The following ZNF267 variants were observed in gnomAD, a reference collection of about 807,000 sequenced individuals.
ZNF267 encodes zinc finger protein 267, also known as zinc finger (C2H2).
A neutral mutation model predicts 71.6 loss-of-function variants in ZNF267; 61 were observed. The ratio of observed to expected loss-of-function variants is 0.85; its 90% CI spans 0.69 to 1.05. The LOEUF is 1.05. ZNF267 is among the 50% of genes least tolerant of loss of function. The probability of loss-of-function intolerance (pLI) is 0.00; values close to 1 mark genes in which losing one functional copy is unlikely to be tolerated. For missense variants in ZNF267, 852 were observed against 870.0 expected (o/e 0.98, Z 0.26); for synonymous variants, 288 against 293.2 (o/e 0.98, Z 0.18).
chr16:31,884,334 G>A (rs2083909183), intron 1 of ZNF267, among the ~76,000 whole-genome samples, 164 bp from the exon 2 acceptor site: 1 of 152,172 alleles, frequency 6.6e-6, no homozygotes, highest in African/African-American at 2.4e-5. Flanking sequence ...TCTTTCCACA[G>A]AGTTTGAGAC....
chr16:31,883,978 G>T (rs191775706), intron 1 of ZNF267, among the ~76,000 whole-genome samples: 2 of 152,376 alleles, frequency 1.3e-5, no homozygotes, highest in Admixed American at 1.3e-4. Context: ...GGTTGAGGCT[G>T]CAGTGAGCCA....
chr16:31,898,958 A>G (rs1305151048), intron 3 of ZNF267, among the ~76,000 whole-genome samples: 1 of 152,176 alleles, frequency 6.6e-6, no homozygotes, highest in Non-Finnish European at 1.5e-5. Context: ...CATAATGGTA[A>G]AGGGATCAAT....
rs576582554 is a variant in ZNF267 at position 31,873,830 on chromosome 16, C to T, written c.-137C>T. ...CCAGTTAGAGCTCGGGTCTCCTCGC[C>T]ACAGCTCCGAGTCTTTCGTTCTGGG... On this transcript the variant is annotated 5_prime_UTR_variant, in exon 1 of 4. Coordinates refer to ENST00000300870, the MANE Select transcript of ZNF267 (RefSeq NM_003414.6). 32 of 1,262,576 alleles carry T rather than the reference C, an allele frequency of 2.5e-5. No individual in the cohort carries two copies. Among genetic ancestry groups the T allele is most frequent in the Admixed American group, 5.5e-5 (3 of 54,656 alleles). The allele number at this position is 1,262,576 out of a possible 1,614,324, so 78.2% of individuals were successfully genotyped here.
chr16:31,898,018 CTTCT>C (rs2084012533), intron 3 of ZNF267, among the ~76,000 whole-genome samples: 1 of 152,068 alleles, frequency 6.6e-6, no homozygotes, highest in South Asian at 2.1e-4. Flanking sequence ...CCTTATTGAT[CTTCT>C]TTCTGTTTTT....
At chr16:31,907,812 G>A (rs2084103508) in intron 3 of ZNF267, among the ~76,000 whole-genome samples, 1 of 151,928 alleles carries the variant, frequency 6.6e-6, no homozygotes, top group Non-Finnish European at 1.5e-5. Context: ...CGAGGCGGGT[G>A]GATCACGAGG....
At chr16:31,901,508 T>C (rs1304219806) in intron 3 of ZNF267, among the ~76,000 whole-genome samples, 1 of 152,222 alleles carries the variant, frequency 6.6e-6, no homozygotes, top group Non-Finnish European at 1.5e-5. Context: ...TGTGAGATGG[T>C]ATCTCATTGT....
chr16:31,905,551 G>C (rs996498240), intron 3 of ZNF267, among the ~76,000 whole-genome samples: 8 of 151,884 alleles, frequency 5.3e-5, no homozygotes, highest in Non-Finnish European at 4.4e-5. Context: ...TTCCATCACT[G>C]GTACCCTTTC....
rs564973376 is a variant in ZNF267, at chr16:31,916,368, C to T, written c.2119C>T (p.Arg707Trp). The T allele has an allele frequency of 6.8e-6, 11 of 1,613,958 alleles. No homozygotes were observed. The highest frequency in any genetic ancestry group is 3.3e-5 in the Admixed American group (2 of 59,998). Reference sequence around the variant, plus strand: ...CTATAGGTCATACCTCACTACACATCGGAGAAGTCATAGTGGAGAGAGACC... The same window carrying T: ...CTATAGGTCATACCTCACTACACATTGGAGAAGTCATAGTGGAGAGAGACC... ...FSYRSYLTTH[R>W]RSHSGERPYK... The change falls in exon 4 of 4, where the codon CGG becomes TGG. Residue 707 changes from arginine to tryptophan, a missense_variant. Physicochemically the swap from Arg to Trp is moderately radical, Grantham distance 101. Transcript: ENST00000300870.
chr16:31,881,843 T>G (rs150933485), intron 1 of ZNF267, among the ~76,000 whole-genome samples: 1 of 152,196 alleles, frequency 6.6e-6, no homozygotes, highest in East Asian at 1.9e-4. Flanking sequence ...TTTTGTATTT[T>G]TAGTAGAGAC....
chr16:31,879,358 T>C (rs1003658937), intron 1 of ZNF267, among the ~76,000 whole-genome samples: 1 of 152,260 alleles, frequency 6.6e-6, no homozygotes, highest in African/African-American at 2.4e-5. Context: ...GGTATTTTTC[T>C]AATCTCTTAG....
intron 3 of ZNF267, among the ~76,000 whole-genome samples, chr16:31,907,382 GC>G (rs1481719740): frequency 6.6e-5 from 10 of 151,786 alleles, no homozygotes; most frequent in African/African-American, 9.7e-5. Flanking sequence ...AATCCTGTTT[GC>G]CTTCCTGACT....
intron 3 of ZNF267, among the ~76,000 whole-genome samples, chr16:31,889,183 A>G (rs1254211889): frequency 6.6e-5 from 9 of 136,256 alleles, no homozygotes; most frequent in African/African-American, 1.9e-4. Context: ...TTTCCCTTGG[A>G]TAATCTAGGA....
intron 3 of ZNF267, among the ~76,000 whole-genome samples, chr16:31,889,643 C>T (rs942020132): frequency 1.3e-5 from 2 of 152,026 alleles, no homozygotes; most frequent in African/African-American, 2.4e-5. Context: ...TGGCTTCTGG[C>T]GAGGGCCTCA....
At chr16:31,908,191 G>C (rs1490589449) in intron 3 of ZNF267, among the ~76,000 whole-genome samples, 4 of 152,186 alleles carry the variant, frequency 2.6e-5, no homozygotes, top group Non-Finnish European at 5.9e-5. Flanking sequence ...CTGCTCCCTA[G>C]TTTGGGTTTT....
intron 1 of ZNF267, among the ~76,000 whole-genome samples, chr16:31,880,356 G>C (rs766123707): frequency 2.2e-4 from 33 of 152,148 alleles, no homozygotes; most frequent in Non-Finnish European, 3.7e-4. Flanking sequence ...GGCCACCACT[G>C]TCCAGAGCCA....
In ZNF267 at chr16:31,874,724, C is replaced by T. The variant is rs149171446; in HGVS notation, c.3+755C>T. ...CTGCTCATTAATCATCTTAACACTG[C>T]CCAGGGGAACTGGTTTTCCCCCTGC... On this transcript the variant is annotated intron_variant, in intron 1 of 3. Transcript: ENST00000300870. Among the ~76,000 whole-genome samples the T allele has an allele frequency of 4.9e-3, 743 of 152,292 alleles. 4 individuals carry two copies. Among genetic ancestry groups the T allele is most frequent in the Middle Eastern group, 0.027 (8 of 294 alleles).
At chr16:31,891,863 G>C (rs1006512222) in intron 3 of ZNF267, among the ~76,000 whole-genome samples, 1 of 152,196 alleles carries the variant, frequency 6.6e-6, no homozygotes, top group Non-Finnish European at 1.5e-5. Context: ...CTGCTGAAAA[G>C]ATAGATACCT....
chr16:31,874,156 A>G (rs2142324980), intron 1 of ZNF267, 187 bp downstream of exon 1: 1 of 622,932 alleles, frequency 1.6e-6, no homozygotes, highest in Non-Finnish European at 2.8e-6. Context: ...GGCAGCCGGG[A>G]CCCCGCGTGT....
chr16:31,907,094 G>T (rs1389205666), intron 3 of ZNF267, among the ~76,000 whole-genome samples: 1 of 152,022 alleles, frequency 6.6e-6, no homozygotes, highest in Non-Finnish European at 1.5e-5. Flanking sequence ...GAGTGGCCTT[G>T]TATGTGCCAA....
Sources: gnomAD v4.1 joint callset for allele counts (sites outside exome capture counted in the v4.1 genomes callset) on GRCh38, gnomAD v4.1.1 for gene constraint, MANE v1.5 for transcripts, NCBI Gene and HGNC (gene_info 2026-07-23, HGNC 2026-07-21) for gene names.